Variants in RAB3GAP1 observed in about 807,000 individuals in gnomAD.
The protein encoded by RAB3GAP1 is rab3 GTPase-activating protein catalytic subunit.
Under a neutral mutation model 130.7 loss-of-function variants are expected in RAB3GAP1, and 86 were observed. The observed-to-expected ratio is 0.66, with a 90% CI of 0.55 to 0.79. The LOEUF is 0.79. Ranked by LOEUF, RAB3GAP1 falls within the 30% of genes least tolerant of loss-of-function variation. RAB3GAP1 has a pLI of 0.00. For synonymous variants in RAB3GAP1, 367 were observed against 401.7 expected (o/e 0.91, Z 1.03); for missense variants, 1,029 against 1,169.4 (o/e 0.88, Z 1.75).
intron 3 of RAB3GAP1, among the ~76,000 whole-genome samples, chr2:135,068,978 A>T (rs1349286247): frequency 1.3e-5 from 2 of 152,232 alleles, no homozygotes; most frequent in Admixed American, 1.3e-4. Flanking sequence ...TTCACAAAAA[A>T]TAAGTTAACA....
chr2:135,132,651 T>C lies in RAB3GAP1; in HGVS notation c.1237-244T>C, dbSNP rs111333738. On this transcript the variant is annotated intron_variant, in intron 13 of 23. Coordinates refer to ENST00000264158, the MANE Select transcript of RAB3GAP1 (RefSeq NM_012233.3). Reference sequence around the variant, plus strand: ...GCACCTTTCAGCTTACAGAATCAAGTGATTACTTTTAAGAAAAAAATTCTA... The same window carrying C: ...GCACCTTTCAGCTTACAGAATCAAGCGATTACTTTTAAGAAAAAAATTCTA... Among the ~76,000 whole-genome samples, 850 of 152,264 alleles carry C rather than the reference T, an allele frequency of 5.6e-3. 4 individuals carry two copies. The highest frequency in any genetic ancestry group is 0.017 in the African/African-American group (720 of 41,562).
intron 19 of RAB3GAP1, among the ~76,000 whole-genome samples, chr2:135,159,025 A>C (rs1401353605): frequency 6.6e-6 from 1 of 152,236 alleles, no homozygotes; most frequent in East Asian, 1.9e-4. Flanking sequence ...AGAGTTCCCA[A>C]CTGGCCAAGA....
downstream of RAB3GAP1, among the ~76,000 whole-genome samples, chr2:135,172,238 T>A (rs1297572572): frequency 2.0e-5 from 3 of 151,780 alleles, no homozygotes; most frequent in South Asian, 4.2e-4. Context: ...GAGACCAGCC[T>A]GGCCAACAAG....
intron 5 of RAB3GAP1, 144 bp downstream of exon 5, chr2:135,093,837 G>A (rs966756758): frequency 1.3e-6 from 1 of 741,866 alleles, no homozygotes; most frequent in Non-Finnish European, 2.4e-6. Flanking sequence ...CAGGATACAG[G>A]GCAAAATCTG....
chr2:135,075,585 G>A (rs576543724), intron 3 of RAB3GAP1, among the ~76,000 whole-genome samples: 4 of 151,114 alleles, frequency 2.6e-5, no homozygotes, highest in South Asian at 4.2e-4. Flanking sequence ...TCCAGTTTTT[G>A]CAGTTAAGGT....
At chr2:135,071,693 C>T (rs1386426136) in intron 3 of RAB3GAP1, among the ~76,000 whole-genome samples, 1 of 152,174 alleles carries the variant, frequency 6.6e-6, no homozygotes, top group Non-Finnish European at 1.5e-5. Flanking sequence ...ACATGCTCCC[C>T]TTCCATGTTG....
At chr2:135,131,034 G>C (rs1023310566) in intron 13 of RAB3GAP1, among the ~76,000 whole-genome samples, 4 of 152,148 alleles carry the variant, frequency 2.6e-5, no homozygotes, top group African/African-American at 9.7e-5. Context: ...ATGAAAAGAA[G>C]GCTTTAGAAG....
At chr2:135,098,638 T>C (rs910917494) in intron 5 of RAB3GAP1, among the ~76,000 whole-genome samples, 1 of 152,220 alleles carries the variant, frequency 6.6e-6, no homozygotes, top group Non-Finnish European at 1.5e-5. Flanking sequence ...CAGTGGCCTG[T>C]AATATTCTTT....
chr2:135,135,289 G>T lies in RAB3GAP1; in HGVS notation c.1524G>T (p.Leu508=). Residue 508 remains leucine (L), a synonymous_variant, in exon 16 of 24, where the codon CTG becomes CTT. Coordinates refer to ENST00000264158, the MANE Select transcript of RAB3GAP1 (RefSeq NM_012233.3). ...IPGLASGPPD[L]RCCLLHQKLQ... ...GATTAGCAAGTGGACCCCCAGATCT[G>T]AGGTGTTGTTTACTGCATCAGAAAC... is the stretch of plus-strand genomic sequence containing the variant. The T allele has an allele frequency of 6.2e-7, 1 of 1,611,348 alleles. No individual in the cohort carries two copies. Among genetic ancestry groups the T allele is most frequent in the African/African-American group, 1.3e-5 (1 of 74,990 alleles).
At chr2:135,110,306 A>C (rs1451692779) in intron 5 of RAB3GAP1, among the ~76,000 whole-genome samples, 1 of 151,786 alleles carries the variant, frequency 6.6e-6, no homozygotes, top group African/African-American at 2.4e-5. Context: ...GCTAATTTTT[A>C]CAATTTTTTG....
chr2:135,147,890 C>T (rs1244021342), intron 17 of RAB3GAP1, among the ~76,000 whole-genome samples: 1 of 152,078 alleles, frequency 6.6e-6, no homozygotes, highest in Non-Finnish European at 1.5e-5. Context: ...GGTTAATAAA[C>T]AGTCTGAAAA....
intron 17 of RAB3GAP1, among the ~76,000 whole-genome samples, chr2:135,144,104 T>C (rs1205359350): frequency 6.6e-6 from 1 of 152,170 alleles, no homozygotes; most frequent in Non-Finnish European, 1.5e-5. Flanking sequence ...CCAGCTTAGC[T>C]CTCAGCTGGG....
chr2:135,165,064 C>T (rs1692595179), intron 23 of RAB3GAP1: 1 of 440,706 alleles, frequency 2.3e-6, no homozygotes. Flanking sequence ...CATCTTTAAA[C>T]CCCATGTAGG....
intron 3 of RAB3GAP1, among the ~76,000 whole-genome samples, chr2:135,059,259 A>G (rs1689102523): frequency 6.6e-6 from 1 of 152,170 alleles, no homozygotes; most frequent in African/African-American, 2.4e-5. Flanking sequence ...AGATGCCAAT[A>G]AGATTAGAGG....
At chr2:135,077,823 T>C (rs1286603365) in intron 3 of RAB3GAP1, among the ~76,000 whole-genome samples, 1 of 152,220 alleles carries the variant, frequency 6.6e-6, no homozygotes, top group Non-Finnish European at 1.5e-5. Context: ...TCTTTTCCTG[T>C]TCTTATTGCC....
At chr2:135,130,449 A>G (rs1261394920) in intron 12 of RAB3GAP1, 103 bp from the exon 13 acceptor site, 1 of 996,884 alleles carries the variant, frequency 1.0e-6, no homozygotes, top group Non-Finnish European at 1.5e-6. Context: ...TAACACTAGT[A>G]AAAAGAATGA....
intron 7 of RAB3GAP1, among the ~76,000 whole-genome samples, chr2:135,117,741 T>TCTTCTTCTG (rs1691062565): frequency 9.4e-5 from 6 of 63,788 alleles, no homozygotes; most frequent in African/African-American, 3.2e-4. Context: ...TTCTTCTGCT[T>TCTTCTTCTG]CTTCTTCTGC....
intron 4 of RAB3GAP1, among the ~76,000 whole-genome samples, chr2:135,092,099 A>G (rs1173369774): frequency 3.3e-5 from 5 of 152,240 alleles, no homozygotes; most frequent in Non-Finnish European, 5.9e-5. Flanking sequence ...ATTCAGATTC[A>G]TAAACCAGGG....
intron 3 of RAB3GAP1, among the ~76,000 whole-genome samples, chr2:135,082,461 G>C (rs1487651917): frequency 1.4e-5 from 2 of 140,622 alleles, no homozygotes; most frequent in Non-Finnish European, 3.1e-5. Flanking sequence ...TTTTTTTTGA[G>C]ACACAGTCTT....
Sources: gnomAD v4.1 joint callset for allele counts (sites outside exome capture counted in the v4.1 genomes callset) on GRCh38, gnomAD v4.1.1 for gene constraint, MANE v1.5 for transcripts, NCBI Gene and HGNC (gene_info 2026-07-23, HGNC 2026-07-21) for gene names.